Variants in PRKCB observed in about 807,000 individuals in gnomAD.
The protein encoded by PRKCB is protein kinase C beta.
Under a neutral mutation model 81.5 loss-of-function variants are expected in PRKCB, and 13 were observed. The ratio of observed to expected loss-of-function variants is 0.16; its 90% CI spans 0.10 to 0.25. The LOEUF (loss-of-function observed/expected upper bound fraction) is 0.25, where lower values mean the gene tolerates loss of function less well. Ranked by LOEUF, PRKCB falls within the 10% of genes least tolerant of loss-of-function variation. The pLI is 1.00. For missense variants in PRKCB, 509 were observed against 875.7 expected, an observed-to-expected ratio of 0.58 and a Z score of 5.29; for synonymous variants, 335 against 321.4, an observed-to-expected ratio of 1.04 and a Z score of -0.45.
At chr16:24,046,413 C>T (rs1965765741) in intron 5 of PRKCB, among the ~76,000 whole-genome samples, 1 of 152,078 alleles carries the variant, frequency 6.6e-6, no homozygotes. Flanking sequence ...GAAGAGGAAG[C>T]AAACAAAACA....
chr16:24,218,911 C>A lies in PRKCB; in HGVS notation c.*4095C>A. The A allele has an allele frequency of 1.0e-6, 1 of 985,404 alleles. No homozygotes were observed. The highest frequency in any genetic ancestry group is 1.2e-6 in the Non-Finnish European group (1 of 829,988). The allele number at this position is 985,404 out of a possible 1,614,324, so 61.0% of individuals were successfully genotyped here. On this transcript the variant is annotated 3_prime_UTR_variant, in exon 17 of 17. Transcript: ENST00000643927. Reference sequence around the variant, plus strand: ...GAGGCCTACATAGCAGCGATGTGGTCAGGTAAAAATCAGGAACCCACTGAA... The same window carrying A: ...GAGGCCTACATAGCAGCGATGTGGTAAGGTAAAAATCAGGAACCCACTGAA...
At chr16:24,166,887 G>A (rs748085791) in intron 10 of PRKCB, among the ~76,000 whole-genome samples, 1 of 152,010 alleles carries the variant, frequency 6.6e-6, no homozygotes, top group African/African-American at 2.4e-5. Context: ...TATGGTTAGC[G>A]GTAGAAACAT....
At chr16:23,988,930 T>C (rs557269265) in intron 3 of PRKCB, among the ~76,000 whole-genome samples, 1 of 152,158 alleles carries the variant, frequency 6.6e-6, no homozygotes, top group African/African-American at 2.4e-5. Flanking sequence ...TGGCACTTTG[T>C]TAGGGTGTTC....
At chr16:23,859,454 C>A (rs1477255245) in intron 2 of PRKCB, among the ~76,000 whole-genome samples, 1 of 152,204 alleles carries the variant, frequency 6.6e-6, no homozygotes, top group Admixed American at 6.5e-5. Context: ...GGGGAAGCTG[C>A]TTTCTGTCCT....
At chr16:24,160,863 A>G (rs1339727589) in intron 10 of PRKCB, among the ~76,000 whole-genome samples, 2 of 152,248 alleles carry the variant, frequency 1.3e-5, no homozygotes, top group African/African-American at 4.8e-5. Context: ...CTGGGGGCAG[A>G]GTGTTCCAGG....
At chr16:24,198,395 A>C (rs1195375381) in intron 16 of PRKCB, among the ~76,000 whole-genome samples, 1 of 152,240 alleles carries the variant, frequency 6.6e-6, no homozygotes, top group Non-Finnish European at 1.5e-5. Flanking sequence ...CCCAGGGTAC[A>C]AGGATTCAGC....
intron 2 of PRKCB, among the ~76,000 whole-genome samples, chr16:23,956,382 T>G (rs951966638): frequency 1.8e-4 from 27 of 152,334 alleles, no homozygotes; most frequent in South Asian, 4.1e-4. Flanking sequence ...ATCCACCTTA[T>G]GTTTTAAATG....
At chr16:23,903,970 G>C (rs1963521065) in intron 2 of PRKCB, among the ~76,000 whole-genome samples, 1 of 152,198 alleles carries the variant, frequency 6.6e-6, no homozygotes, top group African/African-American at 2.4e-5. Flanking sequence ...AAATGAATAT[G>C]TGGTCTTATT....
At position 24,168,684 on chromosome 16, in the gene PRKCB, G is replaced by A. The variant is rs180804349; in HGVS notation, c.1240-3586G>A. 4.4e-4 allele frequency among the ~76,000 whole-genome samples: 64 copies of A among 145,992 alleles called. No homozygotes were observed. In the East Asian group the frequency reaches 0.012, roughly 28 times the overall value. ...TCTTGCCTCAGCCTCCCGAGTAGCT[G>A]GGACTACAGGTGCTCACCACCATGC... On this transcript the variant is annotated intron_variant, in intron 10 of 16. Transcript: ENST00000643927.
At chr16:24,072,847 A>G (rs920406404) in intron 5 of PRKCB, among the ~76,000 whole-genome samples, 1 of 152,042 alleles carries the variant, frequency 6.6e-6, no homozygotes, top group Non-Finnish European at 1.5e-5. Context: ...CTCCCAAAGC[A>G]CTGGGATTAC....
chr16:24,020,976 T>TCTTTCTTTCTTTC (rs1965352916), intron 3 of PRKCB, among the ~76,000 whole-genome samples: 4 of 96,740 alleles, frequency 4.1e-5, no homozygotes, highest in South Asian at 4.6e-4. Flanking sequence ...AGACTTTTCT[T>TCTTTCTTTCTTTC]TTTCTTTCTT....
intron 16 of PRKCB, among the ~76,000 whole-genome samples, chr16:24,214,268 G>A (rs1020043707): frequency 4.6e-5 from 7 of 152,210 alleles, no homozygotes; most frequent in Middle Eastern, 6.8e-3. Flanking sequence ...TGCACCACCT[G>A]AAACATCTCA....
intron 12 of PRKCB, among the ~76,000 whole-genome samples, chr16:24,179,084 C>A (rs555294779): frequency 4.6e-5 from 7 of 152,182 alleles, no homozygotes; most frequent in Non-Finnish European, 1.0e-4. Context: ...ACCTGAACAA[C>A]CCCAATGTAA....
At chr16:23,938,591 A>G (rs8053880) in intron 2 of PRKCB, among the ~76,000 whole-genome samples, 60,540 of 152,094 alleles carry the variant, frequency 0.4, 12,359 homozygotes, top group South Asian at 0.55. Context: ...ATCCTAGCAT[A>G]TAAATGAAGA....
intron 3 of PRKCB, among the ~76,000 whole-genome samples, chr16:24,020,309 A>G (rs1965341766): frequency 1.3e-5 from 2 of 152,222 alleles, no homozygotes; most frequent in South Asian, 4.1e-4. Flanking sequence ...AAATGGCAGT[A>G]CTGAATTGAA....
intron 2 of PRKCB, among the ~76,000 whole-genome samples, chr16:23,914,223 C>T (rs950442457): frequency 6.6e-6 from 1 of 152,062 alleles, no homozygotes; most frequent in African/African-American, 2.4e-5. Context: ...TTATGTTGCC[C>T]GGGCTCATGT....
intron 3 of PRKCB, among the ~76,000 whole-genome samples, chr16:24,016,488 A>G (rs1299770518): frequency 6.6e-6 from 1 of 152,120 alleles, no homozygotes; most frequent in African/African-American, 2.4e-5. Context: ...TACCAAGAAG[A>G]CCCAAGAAAA....
chr16:23,916,177 C>G (rs916924782), intron 2 of PRKCB, among the ~76,000 whole-genome samples: 1 of 151,670 alleles, frequency 6.6e-6, no homozygotes, highest in African/African-American at 2.4e-5. Context: ...CCTCAGCCTG[C>G]CGAGTAGCTG....
chr16:23,993,157 C>T (rs575811318), intron 3 of PRKCB, among the ~76,000 whole-genome samples: 8 of 152,062 alleles, frequency 5.3e-5, no homozygotes, highest in African/African-American at 1.7e-4. Context: ...TATGCTATAC[C>T]CCAAAAGAAC....
Sources: allele counts gnomAD v4.1 joint callset (sites outside exome capture counted in the v4.1 genomes callset), GRCh38; gene constraint gnomAD v4.1.1; transcripts MANE v1.5; gene names NCBI Gene and HGNC (gene_info 2026-07-23, HGNC 2026-07-21).